TRIO: variants seen among roughly 807,000 people sequenced by gnomAD.
TRIO encodes the protein trio Rho guanine nucleotide exchange factor, also known as triple functional domain protein.
A neutral mutation model predicts 351.9 loss-of-function variants in TRIO; 58 were observed. The observed-to-expected ratio is 0.16, with a 90% confidence interval of 0.13 to 0.21. The LOEUF (loss-of-function observed/expected upper bound fraction) is 0.21. TRIO is among the 10% of genes least tolerant of loss of function. TRIO has a pLI of 1.00. For synonymous variants in TRIO, 1,758 were observed against 1,595.7 expected, an observed-to-expected ratio of 1.10 and a Z score of -2.42; for missense variants, 3,201 against 4,027.8, an observed-to-expected ratio of 0.79 and a Z score of 5.56.
intron 55 of TRIO, 115 bp downstream of exon 55, chr5:14,504,708 A>AACTAAAAAACATC: frequency 7.8e-7 from 1 of 1,290,082 alleles, no homozygotes; most frequent in Non-Finnish European, 1.1e-6. Context: ...GAATTTACAG[A>AACTAAAAAACATC]ACTAAAAAAC....
At chr5:14,467,142 T>A (rs1754321244) in intron 37 of TRIO, among the ~76,000 whole-genome samples, 1 of 152,220 alleles carries the variant, frequency 6.6e-6, no homozygotes, top group African/African-American at 2.4e-5. Context: ...AATACATACT[T>A]GTTTCCCATA....
At chr5:14,165,263 C>G (rs190415780) in intron 1 of TRIO, among the ~76,000 whole-genome samples, 1 of 152,112 alleles carries the variant, frequency 6.6e-6, no homozygotes, top group East Asian at 1.9e-4. Flanking sequence ...GTTTTTAAAC[C>G]GACACCCTCA....
chr5:14,458,041 CT>C (rs150710417), intron 34 of TRIO, among the ~76,000 whole-genome samples: 2,010 of 137,704 alleles, frequency 0.015, 25 homozygotes, highest in African/African-American at 0.034. Context: ...GGGCCTGGGT[CT>C]TTTTTTTTTT....
At position 14,286,888 on chromosome 5, in the gene TRIO, G is replaced by C. The variant is rs774892381; in HGVS notation, c.365G>C (p.Arg122Pro). Residue 122 changes from arginine to proline, a missense_variant, in exon 4 of 57, where the codon CGT becomes CCT. Physicochemically the swap from Arg to Pro is moderately radical, Grantham distance 103. Coordinates refer to ENST00000344204, the MANE Select transcript of TRIO (RefSeq NM_007118.4). This position sits in a 1 kb window ranked among gnomAD's most constrained non-coding sequence, Gnocchi z 4.4. ...CTCTGCAGCGAGGAGGTCTGCAAGC[G>C]TGGCTTCACGGTGATCGTGGACATG... is the stretch of plus-strand genomic sequence containing the variant. ...ACIPSEEVCK[R>P]GFTVIVDMRG... is the part of the protein sequence containing the mutation. The C allele has an allele frequency of 6.2e-7, 1 of 1,613,112 alleles. No individual in the cohort carries two copies. Among genetic ancestry groups the C allele is most frequent in the African/African-American group, 1.3e-5 (1 of 74,886 alleles).
At chr5:14,266,579 A>C (rs1795691333) in intron 1 of TRIO, among the ~76,000 whole-genome samples, 1 of 152,258 alleles carries the variant, frequency 6.6e-6, no homozygotes, top group African/African-American at 2.4e-5. Flanking sequence ...GTAATTTAAA[A>C]GGTGGTAACA....
chr5:14,151,393 TG>T (rs1267654859), intron 1 of TRIO, among the ~76,000 whole-genome samples: 3 of 151,840 alleles, frequency 2.0e-5, no homozygotes, highest in Non-Finnish European at 4.4e-5. Flanking sequence ...TGTTTGTGTG[TG>T]TGTGTGTGTG....
intron 9 of TRIO, among the ~76,000 whole-genome samples, chr5:14,329,066 C>G (rs1422639119): frequency 6.6e-6 from 1 of 152,222 alleles, no homozygotes; most frequent in Non-Finnish European, 1.5e-5. Context: ...ATGTCAGGCT[C>G]TGATACTCAC....
intron 2 of TRIO, among the ~76,000 whole-genome samples, chr5:14,272,379 C>T (rs572603860): frequency 6.6e-6 from 1 of 152,240 alleles, no homozygotes; most frequent in East Asian, 1.9e-4. Flanking sequence ...TGGAGATGGA[C>T]ATGTGAAGAA....
rs1006266335 is a variant in TRIO at position 14,175,664 on chromosome 5, TA to T, written c.157+31786del. ...CTTATATCTACCTGGGCATTTTAAA[TA>T]AAACTAGTTTTATTTAAAACTAGTC... On this transcript the variant is annotated intron_variant, in intron 1 of 56. Coordinates refer to ENST00000344204, the MANE Select transcript of TRIO (RefSeq NM_007118.4). 1.3e-5 allele frequency among the ~76,000 whole-genome samples: 2 copies of T among 152,308 alleles called. 1 individual carries two copies. Among genetic ancestry groups the T allele is most frequent in the African/African-American group, 4.8e-5 (2 of 41,558 alleles).
intron 8 of TRIO, among the ~76,000 whole-genome samples, chr5:14,309,202 G>C (rs887360121): frequency 6.6e-6 from 1 of 152,098 alleles, no homozygotes; most frequent in East Asian, 1.9e-4. Context: ...CAATACCTCA[G>C]GGTTCTTTCC....
At chr5:14,353,832 T>C (rs1743364819) in intron 11 of TRIO, among the ~76,000 whole-genome samples, 1 of 152,242 alleles carries the variant, frequency 6.6e-6, no homozygotes, top group Non-Finnish European at 1.5e-5. Context: ...AGCACAGCTA[T>C]GTATCGTGCA....
At chr5:14,300,718 A>T (rs868463708) in intron 7 of TRIO, among the ~76,000 whole-genome samples, 5 of 152,146 alleles carry the variant, frequency 3.3e-5, no homozygotes, top group African/African-American at 9.7e-5. Flanking sequence ...GATAATCTGT[A>T]TGGGGAGGGA....
Position 14,496,977 on chromosome 5 carries a change from G to A in TRIO, c.7979G>A (p.Arg2660Gln), listed in dbSNP as rs770422456. Residue 2660 changes from arginine to glutamine, a missense_variant, in exon 50 of 57, where the codon CGG (arginine) becomes CAG (glutamine). Arg to Gln is a conservative substitution (Grantham distance 43). Around this residue, in one of 19 missense-constraint regions of TRIO, gnomAD observed 1,089 missense variants for 954.9 expected, o/e 1.14. Transcript: ENST00000344204. ...KREGKLENGY[R>Q]KSREGLSNKV... Reference sequence around the variant, plus strand: ...GAAGGCAAGTTAGAGAACGGTTATCGGAAGTCACGGGAAGGACTCAGCAAC... The same window carrying A: ...GAAGGCAAGTTAGAGAACGGTTATCAGAAGTCACGGGAAGGACTCAGCAAC... 13 of 1,614,180 alleles carry A rather than the reference G, an allele frequency of 8.1e-6. No homozygotes were observed. Among genetic ancestry groups the A allele is most frequent in the Middle Eastern group, 1.6e-4 (1 of 6,062 alleles).
chr5:14,422,862 C>T (rs78035432), intron 34 of TRIO, among the ~76,000 whole-genome samples: 16,505 of 152,288 alleles, frequency 0.11, 1,211 homozygotes, highest in Non-Finnish European at 0.17. Context: ...CGGTGGCACA[C>T]ACCTGTCATC....
rs924552970 is a variant in TRIO, at chr5:14,444,617, C to T, written c.5204-16402C>T. Among the ~76,000 whole-genome samples the T allele has an allele frequency of 3.3e-5, 5 of 152,104 alleles. No individual in the cohort carries two copies. The South Asian group carries it at 6.2e-4, about 19-fold the overall frequency. On this transcript the variant is annotated intron_variant, in intron 34 of 56. Coordinates refer to ENST00000344204, the MANE Select transcript of TRIO (RefSeq NM_007118.4). ...CAAACAAAAGAAGATAGAGAATGCT[C>T]GCTATTATGGTTATTATGCTCTCCA...
chr5:14,355,844 A>G (rs1276684510), intron 11 of TRIO, among the ~76,000 whole-genome samples: 1 of 152,202 alleles, frequency 6.6e-6, no homozygotes, highest in East Asian at 1.9e-4. Flanking sequence ...ACTGATGCCA[A>G]CTGTGGCTCA....
chr5:14,240,477 C>A (rs1794062048), intron 1 of TRIO, among the ~76,000 whole-genome samples: 1 of 152,182 alleles, frequency 6.6e-6, no homozygotes, highest in African/African-American at 2.4e-5. Flanking sequence ...TACATCACAG[C>A]AGATTTTCAT....
intron 8 of TRIO, among the ~76,000 whole-genome samples, chr5:14,314,697 T>TCAGA (rs55758726): frequency 3.2e-3 from 482 of 152,330 alleles, no homozygotes; most frequent in Non-Finnish European, 5.5e-3. Context: ...CCTGCTCATT[T>TCAGA]CAGAGTACCC....
intron 1 of TRIO, among the ~76,000 whole-genome samples, chr5:14,202,294 A>ATTTTTTTTTTTTTT (rs60827656): frequency 2.7e-4 from 9 of 33,534 alleles, no homozygotes; most frequent in Admixed American, 4.7e-4. Flanking sequence ...TATTTTTGTG[A>ATTTTTTTTTTTTTT]TTTTTTTTTT....
Sources: allele counts gnomAD v4.1 joint callset (sites outside exome capture counted in the v4.1 genomes callset), GRCh38; gene constraint gnomAD v4.1.1; regional missense constraint gnomAD v4.1.1; non-coding constraint Gnocchi (gnomAD v3.1); transcripts MANE v1.5; gene names NCBI Gene and HGNC (gene_info 2026-07-23, HGNC 2026-07-21).